Variants in KLHL2 observed in about 807,000 individuals in gnomAD.
KLHL2 encodes kelch-like protein 2.
Under a neutral mutation model 75.8 loss-of-function variants are expected in KLHL2, and 15 were observed. The observed-to-expected ratio is 0.20, with a 90% CI of 0.13 to 0.30. KLHL2 has a LOEUF of 0.30. Among genes scored for constraint, KLHL2 ranks in the 10% least tolerant of loss-of-function variants. The probability of loss-of-function intolerance (pLI) is 1.00; values close to 1 mark genes in which losing one functional copy is unlikely to be tolerated. For missense variants in KLHL2, 381 were observed against 741.0 expected, an observed-to-expected ratio of 0.51 and a Z score of 5.64; for synonymous variants, 214 against 251.9, an observed-to-expected ratio of 0.85 and a Z score of 1.42.
chr4:165,308,307 C>T (rs1579174492), intron 9 of KLHL2, among the ~76,000 whole-genome samples: 1 of 152,134 alleles, frequency 6.6e-6, no homozygotes, highest in African/African-American at 2.4e-5. Context: ...ATACAGTTCC[C>T]TTTTCATTGA....
At chr4:165,213,915 C>T (rs1317645118) in intron 1 of KLHL2, among the ~76,000 whole-genome samples, 1 of 152,146 alleles carries the variant, frequency 6.6e-6, no homozygotes, top group Non-Finnish European at 1.5e-5. Flanking sequence ...TCATATAGTG[C>T]CTAGTGCCTA....
intron 4 of KLHL2, among the ~76,000 whole-genome samples, chr4:165,248,824 T>C (rs1579038140): frequency 6.6e-6 from 1 of 152,356 alleles, no homozygotes; most frequent in East Asian, 1.9e-4. Flanking sequence ...ATTCGAAAAT[T>C]CAGCTATAAG....
chr4:165,289,509 GTTTTTTT>G (rs1194080743), intron 5 of KLHL2, among the ~76,000 whole-genome samples: 2 of 112,974 alleles, frequency 1.8e-5, no homozygotes, highest in African/African-American at 7.2e-5. Flanking sequence ...TTTTGGTTTG[GTTTTTTT>G]TTTTTTTTTT....
At chr4:165,212,472 A>G (rs1737256658) in intron 1 of KLHL2, among the ~76,000 whole-genome samples, 1 of 152,162 alleles carries the variant, frequency 6.6e-6, no homozygotes, top group Non-Finnish European at 1.5e-5. Context: ...TACGCACTGT[A>G]CTTTCTTACA....
Position 165,207,852 on chromosome 4 carries a change from G to GT in KLHL2, c.-23dup, listed in dbSNP as rs1045212522. 6.9e-7 allele frequency: 1 copy of GT among 1,450,444 alleles called. No individual in the cohort carries two copies. The highest frequency in any genetic ancestry group is 1.5e-5 in the African/African-American group (1 of 66,924). 89.8% of individuals were successfully genotyped at this position (1,450,444 alleles called of 1,614,324 possible). A position where few individuals can be genotyped will look rare whatever the true frequency, so the allele number is the denominator to read the frequency against. On this transcript the variant is annotated 5_prime_UTR_variant, in exon 1 of 15. The change abolishes the stop of an existing upstream ORF in the 5' untranslated region. Coordinates refer to ENST00000226725, the MANE Select transcript of KLHL2 (RefSeq NM_007246.4). The surrounding 1 kb of genome is among the most constrained non-coding windows in gnomAD (Gnocchi z 4.2). ...GCTGGCTGTGTTGGTCGGTGCCTGCGTTCTGAAGCCCGAGAGGAGCCACAA... is the reference window on the plus strand; with the variant it reads ...GCTGGCTGTGTTGGTCGGTGCCTGCGTTTCTGAAGCCCGAGAGGAGCCACAA...
At position 165,319,221 on chromosome 4, in the gene KLHL2, G is replaced by A. The variant is rs73860698; in HGVS notation, c.1753+1252G>A. 0.017 allele frequency among the ~76,000 whole-genome samples: 2,615 copies of A among 152,286 alleles called. 64 individuals carry two copies. The highest frequency in any genetic ancestry group is 0.059 in the African/African-American group (2,439 of 41,536). On this transcript the variant is annotated intron_variant, in intron 14 of 14. Transcript: ENST00000226725. The surrounding 1 kb of genome is among the most constrained non-coding windows in gnomAD (Gnocchi z 4.5). The stretch of plus-strand genomic sequence containing the variant: ...GGGGCTAATTACCTTTGAAAGAGCA[G>A]TTTGTCTCTTCAGCGATGCGTATCT...
Position 165,251,288 on chromosome 4 carries a change from A to T in KLHL2, c.382-11909A>T, listed in dbSNP as rs533214804. 8.6e-3 allele frequency among the ~76,000 whole-genome samples: 1,309 copies of T among 151,938 alleles called. 12 individuals carry two copies. The highest frequency in any genetic ancestry group is 0.028 in the African/African-American group (1,159 of 41,432). On this transcript the variant is annotated intron_variant, in intron 4 of 14. Coordinates refer to ENST00000226725, the MANE Select transcript of KLHL2 (RefSeq NM_007246.4). Reference sequence around the variant, plus strand: ...TATTTTATCACTTTACCTGGTTAGTACTAATTTATTATTATCCAGAGGCAT... The same window carrying T: ...TATTTTATCACTTTACCTGGTTAGTTCTAATTTATTATTATCCAGAGGCAT...
In KLHL2 at chr4:165,207,896, C is replaced by T; in HGVS notation, c.20C>T (p.Pro7Leu). Reference sequence around the variant, plus strand: ...GCCACAATGGAGACGCCGCCGCTGCCTCCCGCGTGAGTGAGCGGGCGGGCG... The same window carrying T: ...GCCACAATGGAGACGCCGCCGCTGCTTCCCGCGTGAGTGAGCGGGCGGGCG... METPPL[P>L]PACTKQGHQK... Residue 7 changes from proline to leucine, a missense_variant, in exon 1 of 15, where the codon CCT (proline) becomes CTT (leucine). By Grantham distance (98) the Pro-to-Leu change is moderately conservative. Coordinates refer to ENST00000226725, the MANE Select transcript of KLHL2 (RefSeq NM_007246.4). The surrounding 1 kb of genome is among the most constrained non-coding windows in gnomAD (Gnocchi z 4.2). 1 of 1,437,292 alleles carries T rather than the reference C, an allele frequency of 7.0e-7. No individual in the cohort carries two copies. The highest frequency in any genetic ancestry group is 9.2e-7 in the Non-Finnish European group (1 of 1,087,810). The allele number at this position is 1,437,292 out of a possible 1,614,324, so 89.0% of individuals were successfully genotyped here.
rs186496532 is a variant in KLHL2, at chr4:165,275,872, G to A, written c.544+12513G>A. Among the ~76,000 whole-genome samples, 566 of 152,238 alleles carry A rather than the reference G, an allele frequency of 3.7e-3. 4 individuals carry two copies. Among genetic ancestry groups the A allele is most frequent in the Non-Finnish European group, 5.9e-3 (402 of 68,016 alleles). ...ATGGTGGCCCACACCTGCAATCCCAGCACTTTGGGAGGCTGAGATGGGCAG... is the reference window on the plus strand; with the variant it reads ...ATGGTGGCCCACACCTGCAATCCCAACACTTTGGGAGGCTGAGATGGGCAG... On this transcript the variant is annotated intron_variant, in intron 5 of 14. Transcript: ENST00000226725.
At chr4:165,269,508 G>A (rs1395994888) in intron 5 of KLHL2, among the ~76,000 whole-genome samples, 2 of 151,928 alleles carry the variant, frequency 1.3e-5, no homozygotes, top group Non-Finnish European at 2.9e-5. Context: ...AGGCAGGCCT[G>A]GTGGTGACAA....
At chr4:165,302,611 G>T (rs1303349006) in intron 8 of KLHL2, among the ~76,000 whole-genome samples, 1 of 151,980 alleles carries the variant, frequency 6.6e-6, no homozygotes, top group Admixed American at 6.6e-5. Context: ...AAAATTGTGT[G>T]TGTTTTGCTT....
At chr4:165,276,156 C>T (rs1188276562) in intron 5 of KLHL2, among the ~76,000 whole-genome samples, 2 of 152,030 alleles carry the variant, frequency 1.3e-5, no homozygotes, top group African/African-American at 2.4e-5. Flanking sequence ...AGAAGTCCTC[C>T]AGTTACTGAT....
rs1359148688 is a variant in KLHL2, at chr4:165,319,147, C to T, written c.1753+1178C>T. Reference sequence around the variant, plus strand: ...ATAATTTTATAGCCGTCTCCTGTTGCTGTATTGGTGAGCTCAGCTGTTGTG... The same window carrying T: ...ATAATTTTATAGCCGTCTCCTGTTGTTGTATTGGTGAGCTCAGCTGTTGTG... On this transcript the variant is annotated intron_variant, in intron 14 of 14. Coordinates refer to ENST00000226725, the MANE Select transcript of KLHL2 (RefSeq NM_007246.4). The surrounding 1 kb of genome is among the most constrained non-coding windows in gnomAD (Gnocchi z 4.5). Among the ~76,000 whole-genome samples, 1 of 152,166 alleles carries T rather than the reference C, an allele frequency of 6.6e-6. No individual in the cohort carries two copies.
At chr4:165,288,859 C>T (rs1167172486) in intron 5 of KLHL2, among the ~76,000 whole-genome samples, 13 of 148,650 alleles carry the variant, frequency 8.7e-5, no homozygotes, top group African/African-American at 3.2e-4. Flanking sequence ...CTTTGATCCT[C>T]ATGGTTTTGT....
chr4:165,291,467 C>T (rs1744501825), intron 5 of KLHL2, among the ~76,000 whole-genome samples: 1 of 152,076 alleles, frequency 6.6e-6, no homozygotes, highest in Admixed American at 6.5e-5. Context: ...TTGTGTTTTA[C>T]ATTTAAGTTG....
At chr4:165,286,082 T>C (rs939750435) in intron 5 of KLHL2, among the ~76,000 whole-genome samples, 1 of 152,128 alleles carries the variant, frequency 6.6e-6, no homozygotes, top group Non-Finnish European at 1.5e-5. Context: ...CAACAGACAT[T>C]AGAGAATCTT....
intron 10 of KLHL2, among the ~76,000 whole-genome samples, chr4:165,311,021 ATT>A (rs558627508): frequency 6.6e-6 from 1 of 151,480 alleles, no homozygotes; most frequent in Non-Finnish European, 1.5e-5. Context: ...CGCCCGGCTA[ATT>A]TTTTTTGTAT....
chr4:165,242,513 A>T (rs544391985), intron 4 of KLHL2, among the ~76,000 whole-genome samples: 1 of 152,084 alleles, frequency 6.6e-6, no homozygotes, highest in Admixed American at 6.6e-5. Flanking sequence ...TTTTTATTTT[A>T]TTGAGACAGA....
chr4:165,259,363 C>T (rs538139955), intron 4 of KLHL2, among the ~76,000 whole-genome samples: 4 of 152,296 alleles, frequency 2.6e-5, no homozygotes, highest in Admixed American at 1.3e-4. Flanking sequence ...CCCACCTTAG[C>T]CTCCCAAAGT....
Sources: gnomAD v4.1 joint callset for allele counts (sites outside exome capture counted in the v4.1 genomes callset) on GRCh38, gnomAD v4.1.1 for gene constraint, Gnocchi (gnomAD v3.1) non-coding constraint, MANE v1.5 for transcripts, NCBI Gene and HGNC (gene_info 2026-07-23, HGNC 2026-07-21) for gene names.